Variants in IGFBP7 observed in about 807,000 individuals in gnomAD.
IGFBP7 encodes the protein insulin like growth factor binding protein 7, also known as insulin-like growth factor-binding protein 7.
A neutral mutation model predicts 29.4 loss-of-function variants in IGFBP7; 31 were observed. That is an observed-to-expected ratio of 1.05 (90% CI 0.79 to 1.42). The LOEUF (loss-of-function observed/expected upper bound fraction) is 1.42, where lower values mean the gene tolerates loss of function less well. IGFBP7 is among the 40% of genes most tolerant of loss of function. The pLI is 0.00. For synonymous variants in IGFBP7, 172 were observed against 174.9 expected (o/e 0.98, Z 0.13); for missense variants, 393 against 395.5 (o/e 0.99, Z 0.05).
At chr4:57,045,651 T>A (rs1724341324) in intron 1 of IGFBP7, among the ~76,000 whole-genome samples, 1 of 152,118 alleles carries the variant, frequency 6.6e-6, no homozygotes, top group Non-Finnish European at 1.5e-5. Context: ...GTAGGATACC[T>A]ATTTACTAAG....
chr4:57,063,416 G>A (rs186192645), intron 1 of IGFBP7, among the ~76,000 whole-genome samples: 9 of 152,330 alleles, frequency 5.9e-5, no homozygotes, highest in South Asian at 2.1e-4. Flanking sequence ...GTGTTCCAAC[G>A]CCTGGCGTTG....
chr4:57,076,992 T>A (rs1337653927), intron 1 of IGFBP7, among the ~76,000 whole-genome samples: 1 of 152,200 alleles, frequency 6.6e-6, no homozygotes, highest in African/African-American at 2.4e-5. Flanking sequence ...AAAGGAAAAT[T>A]TTTTATGAAT....
At chr4:57,098,329 A>G (rs2109801646) in intron 1 of IGFBP7, among the ~76,000 whole-genome samples, 1 of 152,270 alleles carries the variant, frequency 6.6e-6, no homozygotes, top group African/African-American at 2.4e-5. Context: ...GTCAGACAAG[A>G]GAAAGGGGCA....
At chr4:57,079,123 A>C (rs1420708014) in intron 1 of IGFBP7, among the ~76,000 whole-genome samples, 4 of 152,138 alleles carry the variant, frequency 2.6e-5, no homozygotes, top group Admixed American at 6.6e-5. Flanking sequence ...CAAAAGCAGC[A>C]CACATCTACT....
intron 2 of IGFBP7, among the ~76,000 whole-genome samples, chr4:57,035,737 A>G (rs996591894): frequency 2.0e-5 from 3 of 152,372 alleles, no homozygotes; most frequent in African/African-American, 7.2e-5. Flanking sequence ...CTGGGATTAC[A>G]GGCATGAGCC....
intron 1 of IGFBP7, among the ~76,000 whole-genome samples, chr4:57,086,312 T>A (rs1725496407): frequency 6.6e-6 from 1 of 152,150 alleles, no homozygotes; most frequent in African/African-American, 2.4e-5. Flanking sequence ...CAATTCAATG[T>A]GAGATTTGGG....
At chr4:57,092,166 A>G (rs968205242) in intron 1 of IGFBP7, among the ~76,000 whole-genome samples, 1 of 152,218 alleles carries the variant, frequency 6.6e-6, no homozygotes, top group Admixed American at 6.5e-5. Context: ...GGCTGCCCTT[A>G]CAACAAACAT....
intron 1 of IGFBP7, among the ~76,000 whole-genome samples, chr4:57,091,532 A>G (rs1465873044): frequency 6.6e-6 from 1 of 152,186 alleles, no homozygotes; most frequent in Non-Finnish European, 1.5e-5. Context: ...TGAGGATAAT[A>G]CTTTACCACA....
intron 1 of IGFBP7, among the ~76,000 whole-genome samples, chr4:57,055,953 G>A (rs1039034364): frequency 2.0e-5 from 3 of 152,054 alleles, no homozygotes; most frequent in African/African-American, 7.2e-5. Flanking sequence ...AGAGCGCAGG[G>A]CGTGATGGCT....
At chr4:57,109,706 G>A (rs1726124714) in intron 1 of IGFBP7, 171 bp downstream of exon 1, 3 of 770,724 alleles carry the variant, frequency 3.9e-6, no homozygotes, top group East Asian at 3.2e-5. Context: ...GTCGCCCACC[G>A]CTCCTGGCAT....
chr4:57,074,640 T>C (rs1167474977), intron 1 of IGFBP7, among the ~76,000 whole-genome samples: 2 of 152,242 alleles, frequency 1.3e-5, no homozygotes, highest in African/African-American at 2.4e-5. Flanking sequence ...CCTTTTTCCA[T>C]AGCATCCTCT....
At chr4:57,040,994 T>A in intron 1 of IGFBP7, 61 bp from the exon 2 acceptor site, 1 of 1,057,558 alleles carries the variant, frequency 9.5e-7, no homozygotes, top group East Asian at 2.4e-5. Flanking sequence ...TGAGTCAGCA[T>A]CTTAGGGAGA....
In IGFBP7 at chr4:57,109,767, G is replaced by T. The variant is rs1240980910; in HGVS notation, c.475+110C>A. 5 of 1,303,290 alleles carry T rather than the reference G, an allele frequency of 3.8e-6. No individual in the cohort carries two copies. The African/African-American group carries it at 7.8e-5, about 20-fold the overall frequency. 80.7% of individuals were successfully genotyped at this position (1,303,290 alleles called of 1,614,324 possible). A position where few individuals can be genotyped will look rare whatever the true frequency, so the allele number is the denominator to read the frequency against. On this transcript the variant is annotated intron_variant, in intron 1 of 4. Transcript: ENST00000295666. ...CCATCTGGCTCCTGGGATGCCCGCG[G>T]GGGAATCGCAGTGAGCAGCGCGGGG...
intron 1 of IGFBP7, among the ~76,000 whole-genome samples, chr4:57,088,289 T>C (rs1725546372): frequency 6.6e-6 from 1 of 152,186 alleles, no homozygotes; most frequent in Admixed American, 6.5e-5. Context: ...TTAGTGCTTT[T>C]TACAGCACTA....
intron 2 of IGFBP7, among the ~76,000 whole-genome samples, chr4:57,038,743 T>C (rs775364913): frequency 2.8e-4 from 43 of 152,044 alleles, no homozygotes; most frequent in Non-Finnish European, 4.7e-4. Context: ...GTAGGATAGT[T>C]GTGAGGCTCA....
At chr4:57,036,865 AG>A (rs1159735777) in intron 2 of IGFBP7, among the ~76,000 whole-genome samples, 1 of 152,234 alleles carries the variant, frequency 6.6e-6, no homozygotes, top group Non-Finnish European at 1.5e-5. Flanking sequence ...CTATCCAAAA[AG>A]GTGTTCTACT....
At chr4:57,033,709 T>TG (rs1419512052) in intron 2 of IGFBP7, among the ~76,000 whole-genome samples, 2 of 152,292 alleles carry the variant, frequency 1.3e-5, no homozygotes, top group Admixed American at 6.5e-5. Context: ...CTTGGGACCT[T>TG]GGGGCTCTTC....
chr4:57,074,039 ATCTCTCTC>A lies in IGFBP7; in HGVS notation c.476-33114_476-33107del, dbSNP rs10569950. On this transcript the variant is annotated intron_variant, in intron 1 of 4. Transcript: ENST00000295666. ...TCGTACTTTCCTCTTTGGAAAATGC[ATCTCTCTC>A]TCTCTCTCTCTCTCTCTCTCTTTTT... 3.0e-4 allele frequency among the ~76,000 whole-genome samples: 32 copies of A among 107,536 alleles called. 2 individuals carry two copies. Among genetic ancestry groups the A allele is most frequent in the South Asian group, 2.4e-3 (6 of 2,530 alleles). 70.5% of individuals were successfully genotyped at this position (107,536 alleles called of 152,430 possible). A position where few individuals can be genotyped will look rare whatever the true frequency, so the allele number is the denominator to read the frequency against.
At chr4:57,045,763 A>G (rs6839014) in intron 1 of IGFBP7, among the ~76,000 whole-genome samples, 41,112 of 149,726 alleles carry the variant, frequency 0.27, 5,819 homozygotes, top group East Asian at 0.46. Flanking sequence ...GGAGTTTTGC[A>G]CTTGTTGCCC....
Sources: gnomAD v4.1 joint callset for allele counts (sites outside exome capture counted in the v4.1 genomes callset) on GRCh38, gnomAD v4.1.1 for gene constraint, MANE v1.5 for transcripts, NCBI Gene and HGNC (gene_info 2026-07-23, HGNC 2026-07-21) for gene names.